BDP1: variants seen among roughly 807,000 people sequenced by gnomAD.
BDP1 encodes transcription factor TFIIIB component B'' homolog.
BDP1 carries 169 observed loss-of-function variants against 266.6 expected under a neutral mutation model. That is an observed-to-expected ratio of 0.63 (90% CI 0.56 to 0.72). The LOEUF (loss-of-function observed/expected upper bound fraction) is 0.72, where lower values mean the gene tolerates loss of function less well. Among genes scored for constraint, BDP1 ranks in the 30% least tolerant of loss-of-function variants. BDP1 has a pLI of 0.00. For synonymous variants in BDP1, 1,090 were observed against 1,022.4 expected (o/e 1.07, Z -1.26); for missense variants, 3,015 against 3,053.8 (o/e 0.99, Z 0.30).
chr5:71,497,373 G>C lies in BDP1; in HGVS notation c.1903G>C (p.Gly635Arg), dbSNP rs865931465. Residue 635 changes from glycine to arginine, a missense_variant, in exon 13 of 39, where the codon GGC (glycine) becomes CGC (arginine). Coordinates refer to ENST00000358731, the MANE Select transcript of BDP1 (RefSeq NM_018429.3). ...RAGKKSVLSQ[G>R]KTESESKNSH... ...TGGGAAGAAATCAGTTCTTTCACAA[G>C]GCAAAACAGAGTCAGAGAGCAAGAA... 2 of 1,613,474 alleles carry C rather than the reference G, an allele frequency of 1.2e-6. No homozygotes were observed. Among genetic ancestry groups the C allele is most frequent in the Admixed American group, 3.3e-5 (2 of 59,994 alleles).
the BDP1 span, among the ~76,000 whole-genome samples, chr5:71,576,376 G>A: frequency 2.0e-5 from 3 of 152,170 alleles, no homozygotes; most frequent in Admixed American, 2.0e-4. Context: ...GACTTCCTTT[G>A]TGTGTCACCA....
chr5:71,465,913 C>T (rs1453584712), intron 4 of BDP1, among the ~76,000 whole-genome samples, 183 bp from the exon 5 acceptor site: 2 of 152,014 alleles, frequency 1.3e-5, no homozygotes, highest in African/African-American at 2.4e-5. Context: ...CTAAATGTCT[C>T]GAGATAAAAC....
At chr5:71,551,914 A>C (rs1293168234) in intron 34 of BDP1, among the ~76,000 whole-genome samples, 4 of 125,568 alleles carry the variant, frequency 3.2e-5, no homozygotes, top group African/African-American at 9.5e-5. Flanking sequence ...TGACCCCCCC[A>C]CCTCCCTCCC....
chr5:71,520,007 T>G (rs1480274464), intron 22 of BDP1, among the ~76,000 whole-genome samples: 1 of 152,222 alleles, frequency 6.6e-6, no homozygotes, highest in African/African-American at 2.4e-5. Flanking sequence ...AGTAGCCATT[T>G]TAACGGCAGT....
chr5:71,510,548 A>T lies in BDP1; in HGVS notation c.3456A>T (p.Glu1152Asp). The T allele has an allele frequency of 5.0e-6, 8 of 1,614,122 alleles. No homozygotes were observed. The highest frequency in any genetic ancestry group is 6.8e-6 in the Non-Finnish European group (8 of 1,180,016). ...ATCTGGAAGAAACTGGAAGAAGAGA[A>T]ATATCCCCAGAGGAAAATGGCCCAG... ...DKDLEETGRR[E>D]ISPEENGPEE... The change falls in exon 17 of 39, where the codon GAA becomes GAT. Residue 1152 changes from glutamate to aspartate, a missense_variant. By Grantham distance (45) the Glu-to-Asp change is conservative. This residue lies in a region of BDP1 where 2,383 missense variants were observed against 2,404.9 expected (regional missense o/e 0.99). Transcript: ENST00000358731.
intron 38 of BDP1, among the ~76,000 whole-genome samples, chr5:71,564,003 C>T (rs1334105680): frequency 1.3e-5 from 2 of 152,142 alleles, no homozygotes; most frequent in African/African-American, 2.4e-5. Context: ...TTAAAAAATA[C>T]TTTTACATTT....
chr5:71,549,935 T>C (rs1440352888), intron 34 of BDP1, among the ~76,000 whole-genome samples: 2 of 152,216 alleles, frequency 1.3e-5, no homozygotes, highest in Non-Finnish European at 2.9e-5. Context: ...AACTGTGAAA[T>C]ATGCATTCAC....
rs1322604345 is a variant in BDP1, at chr5:71,458,634, A to G, written c.268A>G (p.Thr90Ala). 1.2e-6 allele frequency: 2 copies of G among 1,612,324 alleles called. No homozygotes were observed. The highest frequency in any genetic ancestry group is 1.3e-5 in the African/African-American group (1 of 75,010). Residue 90 changes from threonine (T) to alanine (A), a missense_variant, in exon 2 of 39, where the codon ACT (threonine) becomes GCT (alanine). Thr to Ala is a moderately conservative substitution (Grantham distance 58). Around this residue, in one of 3 missense-constraint regions of BDP1, gnomAD observed 2,383 missense variants for 2,404.9 expected, o/e 0.99. Coordinates refer to ENST00000358731, the MANE Select transcript of BDP1 (RefSeq NM_018429.3). The part of the protein sequence containing the change: ...DVEESSRSSS[T>A]VSQRRKRISS... ...TGAAGAATCCAGTAGATCTTCCTCT[A>G]CTGTTTCACAGAGAAGAAAGCGAAT...
At chr5:71,543,607 A>G (rs1767101236) in intron 30 of BDP1, among the ~76,000 whole-genome samples, 1 of 152,218 alleles carries the variant, frequency 6.6e-6, no homozygotes, top group East Asian at 1.9e-4. Flanking sequence ...GAAGAAAATT[A>G]TAAGGAAGAG....
chr5:71,555,060 G>A (rs1354714055), intron 35 of BDP1, among the ~76,000 whole-genome samples: 2 of 152,190 alleles, frequency 1.3e-5, no homozygotes, highest in African/African-American at 4.8e-5. Flanking sequence ...CACATACACT[G>A]TATTCAGATA....
intron 18 of BDP1, among the ~76,000 whole-genome samples, chr5:71,512,843 C>T (rs1465167838): frequency 6.6e-6 from 1 of 151,798 alleles, no homozygotes; most frequent in South Asian, 2.1e-4. Flanking sequence ...TCCTTTGAGC[C>T]TAGGAGTTTG....
At position 71,491,093 on chromosome 5, in the gene BDP1, A is replaced by G. The variant is rs754029175; in HGVS notation, c.1602A>G (p.Glu534=). The change falls in exon 11 of 39, where the codon GAA becomes GAG. Residue 534 remains glutamate, a synonymous_variant. Coordinates refer to ENST00000358731, the MANE Select transcript of BDP1 (RefSeq NM_018429.3). ...IDGIVGFAST[E]KVEKRTDPIL... is the part of the protein sequence containing the mutation. The stretch of plus-strand genomic sequence containing the variant: ...GCATTGTGGGTTTTGCCTCCACTGA[A>G]AAAGTTGAGAAAAGAACTGACCCCA... 6.8e-6 allele frequency: 11 copies of G among 1,613,976 alleles called. No individual in the cohort carries two copies. The South Asian group carries it at 1.1e-4, about 16-fold the overall frequency.
downstream of BDP1, among the ~76,000 whole-genome samples, chr5:71,572,458 G>A (rs1326529639): frequency 6.6e-6 from 1 of 152,194 alleles, no homozygotes; most frequent in African/African-American, 2.4e-5. Context: ...TTGACAAGGC[G>A]AATGGGGACC....
At position 71,564,923 on chromosome 5, in the gene BDP1, A is replaced by C; in HGVS notation, c.*38A>C. 1 of 1,549,550 alleles carries C rather than the reference A, an allele frequency of 6.5e-7. No homozygotes were observed. Among genetic ancestry groups the C allele is most frequent in the South Asian group, 1.2e-5 (1 of 82,050 alleles). On this transcript the variant is annotated 3_prime_UTR_variant, in exon 39 of 39. Transcript: ENST00000358731. ...TCTTTTTCTTTTTTAAATTAGGTCT[A>C]GGATTTCCAGAGTCAATTACATCAA...
At chr5:71,557,304 G>T (rs934268071) in intron 36 of BDP1, among the ~76,000 whole-genome samples, 2 of 151,208 alleles carry the variant, frequency 1.3e-5, no homozygotes, top group African/African-American at 4.9e-5. Context: ...CACCTCCCAG[G>T]CTCAAGCAAT....
At chr5:71,513,463 AT>A in intron 19 of BDP1, 56 bp downstream of exon 19, 1 of 1,037,626 alleles carries the variant, frequency 9.6e-7, no homozygotes, top group Non-Finnish European at 1.4e-6. Context: ...TTTTTAAGTT[AT>A]TAGGACTACT....
At chr5:71,533,494 C>T (rs182088005) in intron 26 of BDP1, among the ~76,000 whole-genome samples, 2 of 147,728 alleles carry the variant, frequency 1.4e-5, no homozygotes, top group East Asian at 2.0e-4. Flanking sequence ...TTGAGACGGC[C>T]TTGCATTGTC....
intron 7 of BDP1, among the ~76,000 whole-genome samples, chr5:71,476,979 C>A (rs1762626037): frequency 6.6e-6 from 1 of 151,844 alleles, no homozygotes; most frequent in Non-Finnish European, 1.5e-5. Flanking sequence ...CTGGGAATTA[C>A]AGGCGTGAGC....
At chr5:71,474,711 G>C (rs570161895) in intron 7 of BDP1, among the ~76,000 whole-genome samples, 3 of 152,140 alleles carry the variant, frequency 2.0e-5, no homozygotes, top group Non-Finnish European at 4.4e-5. Context: ...GCCAGGTGTG[G>C]TGGCAGGCAC....
Sources: gnomAD v4.1 joint callset for allele counts (sites outside exome capture counted in the v4.1 genomes callset) on GRCh38, gnomAD v4.1.1 for gene constraint, gnomAD v4.1.1 regional missense constraint, MANE v1.5 for transcripts, NCBI Gene and HGNC (gene_info 2026-07-23, HGNC 2026-07-21) for gene names.